ROR1: variants seen among roughly 807,000 people sequenced by gnomAD.
ROR1 encodes the protein inactive tyrosine-protein kinase transmembrane receptor ROR1.
A neutral mutation model predicts 78.8 loss-of-function variants in ROR1; 19 were observed. The ratio of observed to expected loss-of-function variants is 0.24; its 90% CI spans 0.17 to 0.35. ROR1 has a LOEUF of 0.35. Ranked by LOEUF, ROR1 falls within the 10% of genes least tolerant of loss-of-function variation. The pLI is 1.00. For synonymous variants in ROR1, 386 were observed against 433.6 expected (o/e 0.89, Z 1.36); for missense variants, 917 against 1,177.8 (o/e 0.78, Z 3.24).
intron 1 of ROR1, among the ~76,000 whole-genome samples, chr1:63,849,550 T>C (rs1051652157): frequency 1.3e-5 from 2 of 152,032 alleles, no homozygotes; most frequent in Non-Finnish European, 2.9e-5. Flanking sequence ...ATAAAAAAAG[T>C]TGGCGGGGTG....
intron 4 of ROR1, among the ~76,000 whole-genome samples, chr1:64,052,742 T>C (rs1412451614): frequency 1.3e-5 from 2 of 152,222 alleles, no homozygotes; most frequent in African/African-American, 4.8e-5. Flanking sequence ...CATGTTTGCT[T>C]GCAGGGAGTT....
At chr1:63,982,228 T>C (rs947902299) in intron 1 of ROR1, among the ~76,000 whole-genome samples, 1 of 152,134 alleles carries the variant, frequency 6.6e-6, no homozygotes, top group Admixed American at 6.5e-5. Context: ...CTATTTTGTG[T>C]TCCTTCAAAG....
At chr1:64,014,154 C>G (rs927148736) in intron 2 of ROR1, among the ~76,000 whole-genome samples, 3 of 152,152 alleles carry the variant, frequency 2.0e-5, no homozygotes, top group Non-Finnish European at 4.4e-5. Flanking sequence ...GGCAAGTTCC[C>G]TCACGTGGAG....
chr1:64,163,884 T>A (rs1650014334), intron 8 of ROR1, among the ~76,000 whole-genome samples: 1 of 152,202 alleles, frequency 6.6e-6, no homozygotes, highest in Non-Finnish European at 1.5e-5. Flanking sequence ...TCCTTAAAGC[T>A]ATTGTCTCCC....
At chr1:63,944,443 T>A (rs1476086580) in intron 1 of ROR1, among the ~76,000 whole-genome samples, 2 of 152,218 alleles carry the variant, frequency 1.3e-5, no homozygotes, top group African/African-American at 2.4e-5. Context: ...GTGCATTGGA[T>A]ACATTTTCAT....
At chr1:63,866,256 A>G (rs2100352650) in intron 1 of ROR1, among the ~76,000 whole-genome samples, 1 of 152,140 alleles carries the variant, frequency 6.6e-6, no homozygotes, top group Non-Finnish European at 1.5e-5. Flanking sequence ...AATTTGGTGT[A>G]CTTCTTGTGG....
intron 1 of ROR1, among the ~76,000 whole-genome samples, chr1:63,804,378 T>C (rs947979328): frequency 6.6e-6 from 1 of 152,216 alleles, no homozygotes; most frequent in Non-Finnish European, 1.5e-5. Context: ...TTATAGAAGA[T>C]GTTACCAGAG....
intron 2 of ROR1, among the ~76,000 whole-genome samples, chr1:64,032,986 C>T (rs1251210554): frequency 6.6e-6 from 1 of 152,044 alleles, no homozygotes; most frequent in Non-Finnish European, 1.5e-5. Flanking sequence ...GGGAGTTAGT[C>T]TTTAGTGGGC....
At chr1:63,777,779 T>C (rs896785609) in intron 1 of ROR1, among the ~76,000 whole-genome samples, 1 of 152,238 alleles carries the variant, frequency 6.6e-6, no homozygotes, top group Non-Finnish European at 1.5e-5. Flanking sequence ...CAGCATCCTA[T>C]GGAGAATGGA....
At chr1:64,128,957 A>G (rs1208126827) in intron 4 of ROR1, among the ~76,000 whole-genome samples, 1 of 152,196 alleles carries the variant, frequency 6.6e-6, no homozygotes, top group Admixed American at 6.5e-5. Flanking sequence ...AAATCTGTGC[A>G]TTACAAATTA....
At chr1:64,059,657 C>T (rs373328902) in intron 4 of ROR1, among the ~76,000 whole-genome samples, 6 of 148,888 alleles carry the variant, frequency 4.0e-5, no homozygotes, top group African/African-American at 1.5e-4. Context: ...TGCAGTGAAC[C>T]GAGATCATTC....
chr1:64,031,180 T>C (rs1646656990), intron 2 of ROR1, among the ~76,000 whole-genome samples: 2 of 152,212 alleles, frequency 1.3e-5, no homozygotes, highest in African/African-American at 2.4e-5. Flanking sequence ...TGTCAGTTAG[T>C]ATTTATGAAG....
intron 4 of ROR1, among the ~76,000 whole-genome samples, chr1:64,060,701 A>G (rs554926772): frequency 3.9e-5 from 6 of 152,184 alleles, no homozygotes; most frequent in Non-Finnish European, 7.3e-5. Context: ...TTGCTCCAGT[A>G]AAGCAGCTAA....
At chr1:63,822,813 T>G (rs1644931015) in intron 1 of ROR1, among the ~76,000 whole-genome samples, 1 of 152,212 alleles carries the variant, frequency 6.6e-6, no homozygotes, top group Non-Finnish European at 1.5e-5. Context: ...TAAACAATGC[T>G]ATGATTATCT....
chr1:64,020,069 A>G (rs1646552623), intron 2 of ROR1, among the ~76,000 whole-genome samples: 1 of 152,182 alleles, frequency 6.6e-6, no homozygotes, highest in African/African-American at 2.4e-5. Flanking sequence ...CTCAGAAACT[A>G]AGAGACAAGG....
At chr1:63,990,658 T>C (rs949243355) in intron 1 of ROR1, among the ~76,000 whole-genome samples, 8 of 152,192 alleles carry the variant, frequency 5.3e-5, no homozygotes, top group Non-Finnish European at 7.3e-5. Flanking sequence ...GATAAAATAT[T>C]TGAATGGTGC....
In ROR1 at chr1:63,823,041, T is replaced by A. The variant is rs182633008; in HGVS notation, c.91+48533T>A. 5.9e-5 allele frequency among the ~76,000 whole-genome samples: 9 copies of A among 152,268 alleles called. 1 individual carries two copies. The highest frequency in any genetic ancestry group is 1.2e-4 in the African/African-American group (5 of 41,566). ...TATTGTCATTTAAAAAAAAAACAAC[T>A]TTCTGGGTTAAAAAAGGGAATATTA... On this transcript the variant is annotated intron_variant, in intron 1 of 8. Transcript: ENST00000371079.
chr1:64,165,882 T>C (rs1304538183), intron 8 of ROR1, among the ~76,000 whole-genome samples: 2 of 152,028 alleles, frequency 1.3e-5, no homozygotes, highest in Non-Finnish European at 2.9e-5. Flanking sequence ...TTTTTGTCTT[T>C]CTTCATAGAG....
intron 8 of ROR1, among the ~76,000 whole-genome samples, chr1:64,166,642 A>T (rs1257469695): frequency 6.6e-6 from 1 of 152,322 alleles, no homozygotes; most frequent in East Asian, 1.9e-4. Flanking sequence ...GGAGGAAGCT[A>T]TAGGATCCAG....
Sources: gnomAD v4.1 joint callset for allele counts (sites outside exome capture counted in the v4.1 genomes callset) on GRCh38, gnomAD v4.1.1 for gene constraint, MANE v1.5 for transcripts, NCBI Gene and HGNC (gene_info 2026-07-23, HGNC 2026-07-21) for gene names.